Variants in ADARB2 observed in about 807,000 individuals in gnomAD.
ADARB2 encodes the protein inactive double-stranded RNA-specific editase B2.
ADARB2 carries 25 observed loss-of-function variants against 62.2 expected under a neutral mutation model. The ratio of observed to expected loss-of-function variants is 0.40; its 90% confidence interval spans 0.29 to 0.56. ADARB2 has a LOEUF of 0.56. Among genes scored for constraint, ADARB2 ranks in the 20% least tolerant of loss-of-function variants. The pLI is 0.43. For synonymous variants in ADARB2, 572 were observed against 500.8 expected (o/e 1.14, Z -1.90); for missense variants, 1,071 against 1,077.4 (o/e 0.99, Z 0.08).
At chr10:1,199,217 C>G (rs528651362) in intron 8 of ADARB2, among the ~76,000 whole-genome samples, 1 of 152,014 alleles carries the variant, frequency 6.6e-6, no homozygotes, top group Non-Finnish European at 1.5e-5. Flanking sequence ...GAAACCCACC[C>G]CCCCGCTTCC....
At chr10:1,235,468 T>C (rs1407508264) in intron 5 of ADARB2, among the ~76,000 whole-genome samples, 2 of 19,996 alleles carry the variant, frequency 1.0e-4, no homozygotes, top group South Asian at 1.2e-3. Flanking sequence ...CTTCGGTGTT[T>C]ACCCTCTGTC....
intron 3 of ADARB2, among the ~76,000 whole-genome samples, chr10:1,333,797 G>A (rs528339654): frequency 5.3e-5 from 8 of 152,222 alleles, no homozygotes; most frequent in Admixed American, 1.3e-4. Flanking sequence ...CTGTGCCCTC[G>A]GTTCATCCAA....
At chr10:1,686,383 A>G (rs1304179570) in intron 1 of ADARB2, among the ~76,000 whole-genome samples, 1 of 152,262 alleles carries the variant, frequency 6.6e-6, no homozygotes, top group African/African-American at 2.4e-5. Context: ...AGAACCAAAT[A>G]GGTTTGAAGG....
At chr10:1,568,970 G>T (rs10508213) in intron 1 of ADARB2, among the ~76,000 whole-genome samples, 16,419 of 152,208 alleles carry the variant, frequency 0.11, 1,142 homozygotes, top group Non-Finnish European at 0.15. Context: ...TGAGACAGGA[G>T]ATGCGCCCAT....
chr10:1,522,817 G>T (rs998227310), intron 1 of ADARB2, among the ~76,000 whole-genome samples: 5 of 152,226 alleles, frequency 3.3e-5, no homozygotes, highest in Admixed American at 2.0e-4. Context: ...AGAGGACAGC[G>T]TGCCTGCAGC....
intron 4 of ADARB2, among the ~76,000 whole-genome samples, chr10:1,260,506 T>C (rs1334903925): frequency 6.6e-6 from 1 of 151,464 alleles, no homozygotes; most frequent in Non-Finnish European, 1.5e-5. Context: ...TATACACCAA[T>C]AACAGACGAA....
intron 3 of ADARB2, among the ~76,000 whole-genome samples, chr10:1,334,245 A>G (rs1019275068): frequency 2.0e-5 from 3 of 152,180 alleles, no homozygotes; most frequent in African/African-American, 7.2e-5. Flanking sequence ...TAATTTGTTA[A>G]CTAATGACAT....
intron 3 of ADARB2, among the ~76,000 whole-genome samples, chr10:1,289,766 G>A (rs376011258): frequency 8.5e-5 from 13 of 152,232 alleles, no homozygotes; most frequent in Middle Eastern, 3.2e-3. Context: ...TGGGGGGACC[G>A]CCCGACCTTC....
At position 1,737,311 on chromosome 10, in the gene ADARB2, G is replaced by A. The variant is rs919833675; in HGVS notation, c.-161C>T. On this transcript the variant is annotated 5_prime_UTR_variant, in exon 1 of 10. Coordinates refer to ENST00000381312, the MANE Select transcript of ADARB2 (RefSeq NM_018702.4). ...GCAGGAAAGCGCGCTCCGTCTCTCTGTCTCTCGAATTGTTCTCTATGACTT... is the reference window on the plus strand; with the variant it reads ...GCAGGAAAGCGCGCTCCGTCTCTCTATCTCTCGAATTGTTCTCTATGACTT... 7.5e-6 allele frequency: 5 copies of A among 663,424 alleles called. No homozygotes were observed. The Admixed American group carries it at 8.1e-5, about 11-fold the overall frequency. 41.1% of individuals were successfully genotyped at this position (663,424 alleles called of 1,614,324 possible).
chr10:1,371,083 A>G (rs1470111694), intron 2 of ADARB2, among the ~76,000 whole-genome samples: 2 of 152,222 alleles, frequency 1.3e-5, no homozygotes, highest in African/African-American at 2.4e-5. Context: ...ACAGGATGGT[A>G]TTGGTACGAA....
At chr10:1,257,489 C>A (rs2131787401) in intron 4 of ADARB2, among the ~76,000 whole-genome samples, 1 of 152,220 alleles carries the variant, frequency 6.6e-6, no homozygotes, top group East Asian at 1.9e-4. Flanking sequence ...GATGCCCATC[C>A]CCTCTCTAAC....
chr10:1,350,874 A>G (rs1363402348), intron 3 of ADARB2, among the ~76,000 whole-genome samples: 3 of 152,228 alleles, frequency 2.0e-5, no homozygotes, highest in African/African-American at 7.2e-5. Context: ...AAGTAGAGGC[A>G]GCCAAGTAGC....
intron 1 of ADARB2, among the ~76,000 whole-genome samples, chr10:1,624,302 C>A (rs7915296): frequency 0.14 from 21,712 of 152,152 alleles, 1,741 homozygotes; most frequent in South Asian, 0.29. Flanking sequence ...GAATAAGAAT[C>A]CAGACTGCCT....
chr10:1,540,088 A>G (rs147064454), intron 1 of ADARB2, among the ~76,000 whole-genome samples: 2,295 of 152,314 alleles, frequency 0.015, 33 homozygotes, highest in Non-Finnish European at 0.02. Context: ...GAATCGTGGC[A>G]GCTCTGACTT....
At chr10:1,381,284 CTAATGTCAA>C (rs1483050781) in intron 1 of ADARB2, among the ~76,000 whole-genome samples, 1 of 152,188 alleles carries the variant, frequency 6.6e-6, no homozygotes, top group Non-Finnish European at 1.5e-5. Flanking sequence ...GGAAGATGTA[CTAATGTCAA>C]TAAGCACATG....
chr10:1,278,822 T>C (rs1025927335), intron 3 of ADARB2, among the ~76,000 whole-genome samples: 2 of 152,106 alleles, frequency 1.3e-5, no homozygotes, highest in African/African-American at 4.8e-5. Context: ...TGTTTTATGG[T>C]GTGACTCCTA....
intron 1 of ADARB2, among the ~76,000 whole-genome samples, chr10:1,613,067 T>A (rs958545658): frequency 2.0e-5 from 3 of 152,338 alleles, no homozygotes; most frequent in African/African-American, 7.2e-5. Context: ...TAACAGAGCT[T>A]CAGAATTGTA....
intron 1 of ADARB2, among the ~76,000 whole-genome samples, chr10:1,558,596 G>T (rs1264020707): frequency 7.7e-6 from 1 of 130,464 alleles, no homozygotes; most frequent in African/African-American, 2.9e-5. Context: ...TTCTGTGGGT[G>T]CTCAGCCCCT....
intron 1 of ADARB2, among the ~76,000 whole-genome samples, chr10:1,569,195 G>A (rs1832903066): frequency 1.3e-5 from 2 of 151,176 alleles, no homozygotes; most frequent in Non-Finnish European, 3.0e-5. Flanking sequence ...AGAGAGAGAG[G>A]CAGAGACAGA....
Sources: allele counts gnomAD v4.1 joint callset (sites outside exome capture counted in the v4.1 genomes callset), GRCh38; gene constraint gnomAD v4.1.1; transcripts MANE v1.5; gene names NCBI Gene and HGNC (gene_info 2026-07-23, HGNC 2026-07-21).